TNIK: variants seen among roughly 807,000 people sequenced by gnomAD.
The protein encoded by TNIK is TRAF2 and NCK interacting kinase, also known as TRAF2 and NCK-interacting protein kinase.
A neutral mutation model predicts 191.3 loss-of-function variants in TNIK; 49 were observed. The ratio of observed to expected loss-of-function variants is 0.26; its 90% CI spans 0.20 to 0.32. The LOEUF is 0.32. Ranked by LOEUF, TNIK falls within the 10% of genes least tolerant of loss-of-function variation. TNIK has a pLI of 1.00. For synonymous variants in TNIK, 594 were observed against 600.9 expected, an observed-to-expected ratio of 0.99 and a Z score of 0.17; for missense variants, 1,155 against 1,702.3, an observed-to-expected ratio of 0.68 and a Z score of 5.66.
At chr3:171,223,853 T>A (rs1001004276) in intron 3 of TNIK, among the ~76,000 whole-genome samples, 6 of 152,186 alleles carry the variant, frequency 3.9e-5, no homozygotes, top group African/African-American at 1.4e-4. Context: ...CACTATAATA[T>A]ATGATATTAT....
Position 171,060,056 on chromosome 3 carries a change from C to A in TNIK, c.*3825G>T, listed in dbSNP as rs1375756960. On this transcript the variant is annotated 3_prime_UTR_variant, in exon 33 of 33. Transcript: ENST00000436636. The stretch of plus-strand genomic sequence containing the variant: ...AAAAATAATGTAGCACATCTTACAT[C>A]TTAAAGCAATCAGCACAAATGCAAG... 3.9e-5 allele frequency among the ~76,000 whole-genome samples: 6 copies of A among 152,102 alleles called. No homozygotes were observed. Among genetic ancestry groups the A allele is most frequent in the African/African-American group, 1.4e-4 (6 of 41,410 alleles).
rs144402086 is a variant in TNIK at position 171,221,632 on chromosome 3, G to A, written c.180+6533C>T. The stretch of plus-strand genomic sequence containing the variant: ...TCTGTCTTGTTCACTGGATGACTCC[G>A]TAGCACAGTGCACTCATTCATTCTC... On this transcript the variant is annotated intron_variant, in intron 3 of 32. Transcript: ENST00000436636. 2.6e-5 allele frequency among the ~76,000 whole-genome samples: 4 copies of A among 152,172 alleles called. No individual in the cohort carries two copies. In the South Asian group the frequency reaches 6.2e-4, roughly 24 times the overall value.
At chr3:171,435,953 G>A (rs946610843) in intron 1 of TNIK, among the ~76,000 whole-genome samples, 21 of 152,156 alleles carry the variant, frequency 1.4e-4, no homozygotes, top group African/African-American at 4.8e-4. Flanking sequence ...TCTGGAGTGG[G>A]GGCAGTAGGG....
intron 2 of TNIK, among the ~76,000 whole-genome samples, chr3:171,297,125 TC>T (rs1477997138): frequency 1.3e-5 from 2 of 152,238 alleles, no homozygotes; most frequent in East Asian, 3.9e-4. Flanking sequence ...CAGTGTTGGC[TC>T]TGAGATCTCA....
intron 1 of TNIK, among the ~76,000 whole-genome samples, chr3:171,443,066 CTTTATTTG>C (rs1202010112): frequency 6.6e-6 from 1 of 152,142 alleles, no homozygotes; most frequent in Non-Finnish European, 1.5e-5. Flanking sequence ...CACTACAGCG[CTTTATTTG>C]TTTATTTGTT....
chr3:171,352,325 A>C (rs1027665478), intron 2 of TNIK, among the ~76,000 whole-genome samples: 1 of 152,212 alleles, frequency 6.6e-6, no homozygotes, highest in African/African-American at 2.4e-5. Flanking sequence ...TCACCTTTTA[A>C]GCCTTTGGAT....
intron 1 of TNIK, among the ~76,000 whole-genome samples, chr3:171,406,715 G>C (rs189856325): frequency 1.9e-4 from 29 of 152,322 alleles, no homozygotes; most frequent in Admixed American, 4.6e-4. Flanking sequence ...TTACAGGCGT[G>C]AGCCACCTCA....
intron 1 of TNIK, among the ~76,000 whole-genome samples, chr3:171,425,890 A>G (rs1374209987): frequency 4.6e-5 from 7 of 152,128 alleles, no homozygotes; most frequent in African/African-American, 1.7e-4. Flanking sequence ...CTTTTTAAAC[A>G]TCAAAATAAT....
intron 2 of TNIK, among the ~76,000 whole-genome samples, chr3:171,254,426 A>G (rs1746602430): frequency 6.6e-6 from 1 of 152,196 alleles, no homozygotes; most frequent in Non-Finnish European, 1.5e-5. Context: ...GAGTTTTAAT[A>G]TTTGCTCACC....
At chr3:171,266,241 A>G (rs576295370) in intron 2 of TNIK, among the ~76,000 whole-genome samples, 2 of 152,352 alleles carry the variant, frequency 1.3e-5, no homozygotes, top group African/African-American at 4.8e-5. Flanking sequence ...AAAATGAAAC[A>G]AAAGTATTGT....
chr3:171,354,224 C>T (rs907847493), intron 2 of TNIK, among the ~76,000 whole-genome samples: 1 of 152,146 alleles, frequency 6.6e-6, no homozygotes, highest in East Asian at 1.9e-4. Context: ...CAGCATTAGG[C>T]ACTTTCACTG....
chr3:171,321,340 G>A (rs558012465), intron 2 of TNIK, among the ~76,000 whole-genome samples: 17 of 152,054 alleles, frequency 1.1e-4, no homozygotes, highest in South Asian at 4.2e-4. Context: ...AACTTATTGC[G>A]GTTTTCTAGC....
rs60887361 is a variant in TNIK, at chr3:171,365,161, C to CTTTTTTTTTTTT, written c.123+4447_123+4458dup. Among the ~76,000 whole-genome samples, 102 of 31,934 alleles carry CTTTTTTTTTTTT rather than the reference C, an allele frequency of 3.2e-3. 32 individuals carry two copies. The highest frequency in any genetic ancestry group is 4.5e-3 in the Non-Finnish European group (69 of 15,444). 20.9% of individuals were successfully genotyped at this position (31,934 alleles called of 152,430 possible). On this transcript the variant is annotated intron_variant, in intron 2 of 32. Coordinates refer to ENST00000436636, the MANE Select transcript of TNIK (RefSeq NM_015028.4). ...AAGGACTACACAAAAGGACTACATT[C>CTTTTTTTTTTTT]TTTTTTTTTTTTTTTTTTTTTTTTT...
chr3:171,368,905 G>A (rs1013197133), intron 2 of TNIK, among the ~76,000 whole-genome samples: 4 of 148,908 alleles, frequency 2.7e-5, no homozygotes, highest in Non-Finnish European at 5.9e-5. Context: ...AACCCCAAAA[G>A]TTTCAGTCCA....
chr3:171,085,136 C>T lies in TNIK; in HGVS notation c.2980G>A (p.Glu994Lys), dbSNP rs1342179236. 2 of 1,609,892 alleles carry T rather than the reference C, an allele frequency of 1.2e-6. No homozygotes were observed. Among genetic ancestry groups the T allele is most frequent in the Middle Eastern group, 1.7e-4 (1 of 6,054 alleles). Residue 994 changes from glutamate (E) to lysine (K), a missense_variant, in exon 25 of 33, where the codon GAG becomes AAG. Physicochemically the swap from Glu to Lys is moderately conservative, Grantham distance 56. Transcript: ENST00000436636. ...TGCTTACCTGCGGCTGATGATTCCT[C>T]ATCCTCTTCATCTTCATCAGTGGGA... ...TSPTDEDEED[E>K]ESSAAALFTS...
chr3:171,168,568 C>T (rs1706621222), intron 9 of TNIK, among the ~76,000 whole-genome samples: 1 of 152,148 alleles, frequency 6.6e-6, no homozygotes, highest in Non-Finnish European at 1.5e-5. Context: ...TTTTAAAGTA[C>T]TGAATCACTG....
intron 7 of TNIK, 142 bp from the exon 8 acceptor site, chr3:171,177,522 C>CAGA (rs1465584415): frequency 5.2e-6 from 5 of 954,568 alleles, no homozygotes; most frequent in Non-Finnish European, 6.1e-6. Flanking sequence ...ACCTTCAAAG[C>CAGA]AGAAACAGTC....
At chr3:171,275,328 C>T (rs1383827659) in intron 2 of TNIK, among the ~76,000 whole-genome samples, 2 of 151,836 alleles carry the variant, frequency 1.3e-5, no homozygotes, top group South Asian at 2.1e-4. Flanking sequence ...AAGCCTCCAA[C>T]AAGAAAGAAT....
chr3:171,276,844 A>T (rs1749808982), intron 2 of TNIK, among the ~76,000 whole-genome samples: 1 of 152,250 alleles, frequency 6.6e-6, no homozygotes, highest in African/African-American at 2.4e-5. Flanking sequence ...GTAGAGAAAC[A>T]AAAAACAAAT....
Sources: gnomAD v4.1 joint callset for allele counts (sites outside exome capture counted in the v4.1 genomes callset) on GRCh38, gnomAD v4.1.1 for gene constraint, MANE v1.5 for transcripts, NCBI Gene and HGNC (gene_info 2026-07-23, HGNC 2026-07-21) for gene names.